ATP11B: variants seen among roughly 807,000 people sequenced by gnomAD.
ATP11B encodes phospholipid-transporting ATPase IF.
ATP11B carries 81 observed loss-of-function variants against 157.8 expected under a neutral mutation model. The ratio of observed to expected loss-of-function variants is 0.51; its 90% CI spans 0.43 to 0.62. The LOEUF (loss-of-function observed/expected upper bound fraction) is 0.62. Among genes scored for constraint, ATP11B ranks in the 20% least tolerant of loss-of-function variants. ATP11B has a pLI of 0.00. For synonymous variants in ATP11B, 451 were observed against 469.4 expected, an observed-to-expected ratio of 0.96 and a Z score of 0.51; for missense variants, 1,165 against 1,402.2, an observed-to-expected ratio of 0.83 and a Z score of 2.70.
intron 10 of ATP11B, among the ~76,000 whole-genome samples, chr3:182,852,601 T>A (rs982759022): frequency 6.6e-6 from 1 of 152,220 alleles, no homozygotes; most frequent in South Asian, 2.1e-4. Context: ...TAAAAATGTC[T>A]CCACGCTAAA....
rs901540441 is a variant in ATP11B at position 182,866,424 on chromosome 3, C to G, written c.1600C>G (p.Leu534Val). 6.2e-7 allele frequency: 1 copy of G among 1,605,318 alleles called. No individual in the cohort carries two copies. Among genetic ancestry groups the G allele is most frequent in the African/African-American group, 1.3e-5 (1 of 74,710 alleles). ...TGCATCTTCACCAGATGAAAAGGCT[C>G]TAGTAGAAGCTGCTGCAAGGTAATT... ...YYASSPDEKALVEAAARIGIV... is the reference protein window; with the variant it reads ...YYASSPDEKAVVEAAARIGIV... The change falls in exon 14 of 30, where the codon CTA (leucine) becomes GTA (valine). Residue 534 changes from leucine (L) to valine (V), a missense_variant. Coordinates refer to ENST00000323116, the MANE Select transcript of ATP11B (RefSeq NM_014616.3).
chr3:182,901,359 A>T (rs945811567), intron 28 of ATP11B, among the ~76,000 whole-genome samples: 1 of 151,566 alleles, frequency 6.6e-6, no homozygotes, highest in Non-Finnish European at 1.5e-5. Flanking sequence ...AAAAACAAAA[A>T]AAAAACCTTA....
In ATP11B at chr3:182,866,388, T is replaced by C. The variant is rs1214826222; in HGVS notation, c.1564T>C (p.Leu522=). ...PWQSNLAPSQ[L]EYYASSPDEK... is the part of the protein sequence containing the mutation. ...GCAATCCAACCTGGCACCATCGCAG[T>C]TGGAGTACTATGCATCTTCACCAGA... is the stretch of plus-strand genomic sequence containing the variant. The change falls in exon 14 of 30, where the codon TTG becomes CTG. Residue 522 remains leucine, a synonymous_variant. Coordinates refer to ENST00000323116, the MANE Select transcript of ATP11B (RefSeq NM_014616.3). The C allele has an allele frequency of 1.2e-6, 2 of 1,613,756 alleles. No individual in the cohort carries two copies. The highest frequency in any genetic ancestry group is 1.1e-5 in the South Asian group (1 of 90,996).
intron 29 of ATP11B, chr3:182,914,552 T>C (rs1456925243): frequency 1.0e-6 from 1 of 985,286 alleles, no homozygotes; most frequent in East Asian, 1.1e-4. Context: ...GTCATGATTT[T>C]TAAGTTTCTT....
Position 182,918,015 on chromosome 3 carries a change from T to C in ATP11B, c.3453-8T>C. On this transcript the variant is annotated splice_region_variant and splice_polypyrimidine_tract_variant and intron_variant, in intron 29 of 29. Transcript: ENST00000323116. ...GTGAGCCAAACTTTTCTCTTATTGTTACTTTAGATCATGGAGTGCATCGGA... is the reference window on the plus strand; with the variant it reads ...GTGAGCCAAACTTTTCTCTTATTGTCACTTTAGATCATGGAGTGCATCGGA... 1 of 1,612,300 alleles carries C rather than the reference T, an allele frequency of 6.2e-7. No homozygotes were observed.
intron 19 of ATP11B, among the ~76,000 whole-genome samples, chr3:182,877,672 CG>C: frequency 6.6e-6 from 1 of 151,816 alleles, no homozygotes; most frequent in Non-Finnish European, 1.5e-5. Flanking sequence ...GGGGGCAGTG[CG>C]TGCAGATTCC....
At chr3:182,917,928 T>C in intron 29 of ATP11B, 95 bp from the exon 30 acceptor site, 1 of 1,505,766 alleles carries the variant, frequency 6.6e-7, no homozygotes, top group Non-Finnish European at 8.9e-7. Flanking sequence ...AATCAATCAG[T>C]GATTGCATTT....
intron 28 of ATP11B, among the ~76,000 whole-genome samples, chr3:182,911,221 C>G (rs1298962136): frequency 1.3e-5 from 2 of 149,630 alleles, no homozygotes; most frequent in African/African-American, 2.5e-5. Flanking sequence ...CACTCTTTCT[C>G]CTCCTTCAGC....
At chr3:182,821,860 A>G (rs1438945421) in intron 2 of ATP11B, among the ~76,000 whole-genome samples, 5 of 152,212 alleles carry the variant, frequency 3.3e-5, no homozygotes, top group East Asian at 1.9e-4. Context: ...GCATCTTTGC[A>G]TTGCTCCTTC....
chr3:182,817,921 T>C (rs1717066373), intron 1 of ATP11B, among the ~76,000 whole-genome samples: 1 of 152,240 alleles, frequency 6.6e-6, no homozygotes, highest in South Asian at 2.1e-4. Context: ...ATTTACGTAC[T>C]GTTTGAGGCC....
chr3:182,848,416 T>A, intron 9 of ATP11B, 60 bp from the exon 10 acceptor site: 1 of 985,230 alleles, frequency 1.0e-6, no homozygotes, highest in African/African-American at 1.7e-5. Context: ...TAAATATATT[T>A]ATTTCTTGTG....
At chr3:182,874,910 C>T (rs1721921167) in intron 19 of ATP11B, among the ~76,000 whole-genome samples, 1 of 151,784 alleles carries the variant, frequency 6.6e-6, no homozygotes, top group Non-Finnish European at 1.5e-5. Flanking sequence ...TGCCTCTTGG[C>T]CCACAAAACC....
At chr3:182,836,877 T>C (rs1718593704) in intron 6 of ATP11B, among the ~76,000 whole-genome samples, 194 bp from the exon 7 acceptor site, 1 of 152,156 alleles carries the variant, frequency 6.6e-6, no homozygotes, top group African/African-American at 2.4e-5. Context: ...GCAAATGGCC[T>C]CTTTAGACAG....
chr3:182,868,787 A>C (rs1483697775), intron 15 of ATP11B, among the ~76,000 whole-genome samples: 1 of 152,200 alleles, frequency 6.6e-6, no homozygotes, highest in Non-Finnish European at 1.5e-5. Flanking sequence ...TTCTGAGGTT[A>C]ATAGTCCTCA....
intron 12 of ATP11B, among the ~76,000 whole-genome samples, chr3:182,863,778 A>T (rs964226612): frequency 7.9e-5 from 12 of 151,792 alleles, no homozygotes; most frequent in Non-Finnish European, 1.3e-4. Flanking sequence ...CTTTTTTCTA[A>T]AGAATCCTCC....
At chr3:182,911,584 G>A (rs1724800970) in intron 28 of ATP11B, among the ~76,000 whole-genome samples, 1 of 152,030 alleles carries the variant, frequency 6.6e-6, no homozygotes, top group Non-Finnish European at 1.5e-5. Flanking sequence ...TTTTCAGTGA[G>A]ACAATCCATG....
chr3:182,895,470 A>G (rs1384194266), intron 25 of ATP11B, among the ~76,000 whole-genome samples: 1 of 152,214 alleles, frequency 6.6e-6, no homozygotes, highest in East Asian at 1.9e-4. Context: ...CATTTTACAA[A>G]TGAAGAAAGT....
intron 12 of ATP11B, among the ~76,000 whole-genome samples, chr3:182,863,916 T>C (rs1239708965): frequency 6.6e-6 from 1 of 152,080 alleles, no homozygotes; most frequent in Non-Finnish European, 1.5e-5. Context: ...GTGGGCTTTT[T>C]TTAATTAACT....
chr3:182,876,651 G>A (rs1054800290), intron 19 of ATP11B, among the ~76,000 whole-genome samples: 2 of 152,184 alleles, frequency 1.3e-5, no homozygotes, highest in African/African-American at 4.8e-5. Context: ...GCATCCTTCT[G>A]AAGGGAGGAT....
Sources: gnomAD v4.1 joint callset for allele counts (sites outside exome capture counted in the v4.1 genomes callset) on GRCh38, gnomAD v4.1.1 for gene constraint, MANE v1.5 for transcripts, NCBI Gene and HGNC (gene_info 2026-07-23, HGNC 2026-07-21) for gene names.